The following DYRK1A variants were observed in gnomAD, a reference collection of about 807,000 sequenced individuals.
DYRK1A encodes dual specificity tyrosine-phosphorylation-regulated kinase 1A.
Under a neutral mutation model 79.7 loss-of-function variants are expected in DYRK1A, and 9 were observed. The observed-to-expected ratio is 0.11, with a 90% CI of 0.07 to 0.20. DYRK1A has a LOEUF of 0.20. DYRK1A is among the 10% of genes least tolerant of loss of function. The pLI is 1.00. For synonymous variants in DYRK1A, 349 were observed against 329.7 expected (o/e 1.06, Z -0.63); for missense variants, 622 against 956.0 (o/e 0.65, Z 4.61).
intron 3 of DYRK1A, among the ~76,000 whole-genome samples, chr21:37,474,964 G>T (rs1478485187): frequency 6.6e-6 from 1 of 152,116 alleles, no homozygotes; most frequent in African/African-American, 2.4e-5. Context: ...TCATTATATA[G>T]GAAAACAGGA....
rs574592846 is a variant in DYRK1A, at chr21:37,516,039, C to T, written c.*3508C>T. 2 of 152,218 alleles carry T rather than the reference C, an allele frequency of 1.3e-5. No homozygotes were observed. The highest frequency in any genetic ancestry group is 4.8e-5 in the African/African-American group (2 of 41,530). 9.4% of individuals were successfully genotyped at this position (152,218 alleles called of 1,614,324 possible). A position where few individuals can be genotyped will look rare whatever the true frequency, so the allele number is the denominator to read the frequency against. ...AGATAGCAGGCACTCAGTTCTAGGC[C>T]AGTTTCTCAGTTTCCTTTGGGCCTG... is the stretch of plus-strand genomic sequence containing the variant. On this transcript the variant is annotated 3_prime_UTR_variant, in exon 12 of 12. Transcript: ENST00000647188.
intron 2 of DYRK1A, among the ~76,000 whole-genome samples, chr21:37,454,920 T>C (rs2051584755): frequency 6.6e-6 from 1 of 152,152 alleles, no homozygotes; most frequent in Non-Finnish European, 1.5e-5. Context: ...CTCTTTGCTT[T>C]TGGGACAGCT....
intron 1 of DYRK1A, among the ~76,000 whole-genome samples, chr21:37,399,674 G>T (rs1218023365): frequency 1.3e-5 from 2 of 152,176 alleles, no homozygotes; most frequent in African/African-American, 4.8e-5. Flanking sequence ...GTTTCACTGA[G>T]CATGAGAGGC....
At chr21:37,472,226 T>C (rs1251671809) in intron 2 of DYRK1A, among the ~76,000 whole-genome samples, 1 of 152,196 alleles carries the variant, frequency 6.6e-6, no homozygotes, top group Non-Finnish European at 1.5e-5. Flanking sequence ...AGGTTTCACC[T>C]GGTTTGGGGA....
At chr21:37,498,387 A>G (rs555560900) in intron 9 of DYRK1A, among the ~76,000 whole-genome samples, 59 of 152,312 alleles carry the variant, frequency 3.9e-4, no homozygotes, top group African/African-American at 1.1e-3. Context: ...TCTGATTTCT[A>G]TCATCAAAGA....
chr21:37,381,563 A>G (rs1169803727), intron 1 of DYRK1A, among the ~76,000 whole-genome samples: 1 of 152,226 alleles, frequency 6.6e-6, no homozygotes, highest in Non-Finnish European at 1.5e-5. Flanking sequence ...TAGCCGACAC[A>G]GTGAAGTTCA....
At chr21:37,370,539 A>G (rs906804292) in intron 1 of DYRK1A, among the ~76,000 whole-genome samples, 3 of 152,190 alleles carry the variant, frequency 2.0e-5, no homozygotes, top group African/African-American at 7.2e-5. Flanking sequence ...TTGCTTTGGC[A>G]TTAGCTTTCC....
chr21:37,470,460 A>G (rs1050323713), intron 2 of DYRK1A, among the ~76,000 whole-genome samples: 4 of 152,194 alleles, frequency 2.6e-5, no homozygotes, highest in African/African-American at 9.7e-5. Context: ...CACAGGTTTC[A>G]TTCTGTGTGC....
rs1325778217 is a variant in DYRK1A at position 37,526,308 on chromosome 21, T to C, written c.*13777T>C. Reference sequence around the variant, plus strand: ...AAAAATTTAATAGAGTCTAATAGAATCTTATAAAAATGTATAAATGTGTTT... The same window carrying C: ...AAAAATTTAATAGAGTCTAATAGAACCTTATAAAAATGTATAAATGTGTTT... On this transcript the variant is annotated 3_prime_UTR_variant, in exon 12 of 12. Transcript: ENST00000647188. 6.6e-6 allele frequency: 1 copy of C among 152,184 alleles called. No homozygotes were observed. The highest frequency in any genetic ancestry group is 1.9e-4 in the East Asian group (1 of 5,198). The allele number at this position is 152,184 out of a possible 1,614,324, so 9.4% of individuals were successfully genotyped here.
intron 1 of DYRK1A, among the ~76,000 whole-genome samples, chr21:37,371,682 C>T (rs1471266266): frequency 6.6e-6 from 1 of 152,078 alleles, no homozygotes; most frequent in Non-Finnish European, 1.5e-5. Flanking sequence ...GGCAGATGCT[C>T]ATATCTGATA....
At chr21:37,373,557 G>A (rs907524219) in intron 1 of DYRK1A, among the ~76,000 whole-genome samples, 8 of 152,190 alleles carry the variant, frequency 5.3e-5, no homozygotes, top group Admixed American at 5.2e-4. Context: ...CACGATGTGA[G>A]GGAGCTTGGT....
Position 37,433,265 on chromosome 21 carries a change from A to G in DYRK1A, c.10+12881A>G, listed in dbSNP as rs557791756. On this transcript the variant is annotated intron_variant, in intron 2 of 11. Transcript: ENST00000647188. ...GTCACTAGGCAGATGATGTTTCCTT[A>G]TGTCTCTAGTCCCCAAAGGAAAGTA... is the stretch of plus-strand genomic sequence containing the variant. 7.9e-5 allele frequency among the ~76,000 whole-genome samples: 12 copies of G among 152,282 alleles called. No individual in the cohort carries two copies. In the East Asian group the frequency reaches 2.3e-3, roughly 29 times the overall value.
chr21:37,420,078 G>T (rs565118611), intron 1 of DYRK1A: 8 of 223,786 alleles, frequency 3.6e-5, no homozygotes, highest in South Asian at 1.7e-4. Flanking sequence ...TTTTGAAACT[G>T]TTTTTTTTTT....
At chr21:37,406,629 G>C (rs1048042525) in intron 1 of DYRK1A, among the ~76,000 whole-genome samples, 5 of 151,920 alleles carry the variant, frequency 3.3e-5, no homozygotes, top group African/African-American at 1.2e-4. Flanking sequence ...TTGAACCCGG[G>C]AGGCAGATGT....
chr21:37,365,879 C>A (rs949979091), upstream of DYRK1A: 2 of 152,226 alleles, frequency 1.3e-5, no homozygotes, highest in East Asian at 3.9e-4. Context: ...GGCGAGCGTG[C>A]ACTGCCTGAA....
chr21:37,513,057 T>C lies in DYRK1A; in HGVS notation c.*526T>C, dbSNP rs2053806341. The C allele has an allele frequency of 6.4e-6, 1 of 156,458 alleles. No individual in the cohort carries two copies. Among genetic ancestry groups the C allele is most frequent in the South Asian group, 1.9e-4 (1 of 5,260 alleles). The allele number at this position is 156,458 out of a possible 1,614,324, so 9.7% of individuals were successfully genotyped here. A position where few individuals can be genotyped will look rare whatever the true frequency, so the allele number is the denominator to read the frequency against. ...ACTTGGGCACGGAAATGCAGTACTG[T>C]AAGGAAGAGGGACCTCCAGCTTCCA... On this transcript the variant is annotated 3_prime_UTR_variant, in exon 12 of 12. Coordinates refer to ENST00000647188, the MANE Select transcript of DYRK1A (RefSeq NM_001347721.2).
chr21:37,406,627 G>A (rs1235461083), intron 1 of DYRK1A, among the ~76,000 whole-genome samples: 5 of 151,800 alleles, frequency 3.3e-5, no homozygotes, highest in Non-Finnish European at 5.9e-5. Flanking sequence ...GCTTGAACCC[G>A]GGAGGCAGAT....
At chr21:37,479,627 T>TTTG (rs2052561419) in intron 4 of DYRK1A, among the ~76,000 whole-genome samples, 1 of 120,114 alleles carries the variant, frequency 8.3e-6, no homozygotes, top group Non-Finnish European at 1.7e-5. Context: ...TTGTTTTTTT[T>TTTG]TTTTTTTTTG....
chr21:37,472,687 G>A lies in DYRK1A; in HGVS notation c.14G>A (p.Gly5Glu). The A allele has an allele frequency of 6.3e-7, 1 of 1,579,558 alleles. No individual in the cohort carries two copies. The highest frequency in any genetic ancestry group is 8.6e-7 in the Non-Finnish European group (1 of 1,157,340). The change falls in exon 3 of 12, where the codon GGA (glycine) becomes GAA (glutamate). Residue 5 changes from glycine to glutamate, a missense_variant. Gly to Glu is a moderately conservative substitution (Grantham distance 98). Around this residue, in one of 5 missense-constraint regions of DYRK1A, gnomAD observed 91 missense variants for 113.8 expected, o/e 0.80. Coordinates refer to ENST00000647188, the MANE Select transcript of DYRK1A (RefSeq NM_001347721.2). ...AACCTCACTTATCTTCTTGTAGGAG[G>A]AGAGACTTCAGCATGCAAACCTTCA... is the stretch of plus-strand genomic sequence containing the variant. The part of the protein sequence containing the change: MHTG[G>E]ETSACKPSSV...
Sources: allele counts gnomAD v4.1 joint callset (sites outside exome capture counted in the v4.1 genomes callset), GRCh38; gene constraint gnomAD v4.1.1; regional missense constraint gnomAD v4.1.1; transcripts MANE v1.5; gene names NCBI Gene and HGNC (gene_info 2026-07-23, HGNC 2026-07-21).